Variants in SHTN1 observed in about 807,000 individuals in gnomAD.
SHTN1 encodes shootin 1.
A neutral mutation model predicts 83.1 loss-of-function variants in SHTN1; 42 were observed. The observed-to-expected ratio is 0.51, with a 90% CI of 0.39 to 0.65. The LOEUF is 0.65. Among genes scored for constraint, SHTN1 ranks in the 30% least tolerant of loss-of-function variants. The probability of loss-of-function intolerance (pLI) is 0.00; values close to 1 mark genes in which losing one functional copy is unlikely to be tolerated. For missense variants in SHTN1, 622 were observed against 737.8 expected (o/e 0.84, Z 1.82); for synonymous variants, 224 against 247.7 (o/e 0.90, Z 0.90).
At chr10:117,010,847 G>C (rs1255533234) in intron 2 of SHTN1, among the ~76,000 whole-genome samples, 3 of 152,158 alleles carry the variant, frequency 2.0e-5, no homozygotes, top group African/African-American at 7.2e-5. Flanking sequence ...AATTGAGACA[G>C]AAAAGGCATT....
chr10:116,954,048 T>C lies in SHTN1; in HGVS notation c.430A>G (p.Ile144Val), dbSNP rs1210029631. The change falls in exon 5 of 17, where the codon ATT becomes GTT. Residue 144 changes from isoleucine to valine, a missense_variant. Physicochemically the swap from Ile to Val is conservative, Grantham distance 29. This residue lies in a region of SHTN1 where 383 missense variants were observed against 455.8 expected (regional missense o/e 0.84). Transcript: ENST00000355371. ...TCVSVQCQKQ[I>V]KELRDQIVSV... ...ATTAAGCAAAGAGTTCTACCTTTAA[T>C]TTGCTTCTGACACTGTACTGAGACA... 1 of 1,603,972 alleles carries C rather than the reference T, an allele frequency of 6.2e-7. No homozygotes were observed.
intron 1 of SHTN1, among the ~76,000 whole-genome samples, chr10:116,989,414 T>C (rs1003104930): frequency 7.9e-5 from 12 of 152,164 alleles, no homozygotes; most frequent in Admixed American, 6.5e-5. Flanking sequence ...AAAAACAGAA[T>C]ATTTCTCCTT....
chr10:116,936,932 CTT>C (rs942186533), intron 9 of SHTN1, among the ~76,000 whole-genome samples: 1 of 152,030 alleles, frequency 6.6e-6, no homozygotes, highest in African/African-American at 2.4e-5. Context: ...TTCTTTATCT[CTT>C]TTCATCTTTG....
intron 16 of SHTN1, among the ~76,000 whole-genome samples, chr10:116,899,112 T>A (rs1201605684): frequency 6.6e-6 from 1 of 152,216 alleles, no homozygotes; most frequent in Admixed American, 6.5e-5. Flanking sequence ...GCAGGAATTG[T>A]TCCATGTGTG....
At chr10:117,104,821 A>G (rs1853650494) in intron 1 of SHTN1, among the ~76,000 whole-genome samples, 1 of 151,960 alleles carries the variant, frequency 6.6e-6, no homozygotes, top group African/African-American at 2.4e-5. Context: ...ATTATTTGTC[A>G]TGAATATCTT....
chr10:116,977,225 T>G (rs937784635), intron 2 of SHTN1, among the ~76,000 whole-genome samples: 1 of 152,216 alleles, frequency 6.6e-6, no homozygotes, highest in East Asian at 1.9e-4. Context: ...ATAAAAAATT[T>G]TATCTACTTC....
At chr10:117,075,680 T>A (rs1261243392) in intron 1 of SHTN1, among the ~76,000 whole-genome samples, 1 of 152,158 alleles carries the variant, frequency 6.6e-6, no homozygotes, top group Non-Finnish European at 1.5e-5. Flanking sequence ...GATATTATAG[T>A]AGTGGCTCAA....
At chr10:116,988,590 C>T (rs576501838) in intron 1 of SHTN1, among the ~76,000 whole-genome samples, 1 of 149,250 alleles carries the variant, frequency 6.7e-6, no homozygotes, top group Non-Finnish European at 1.5e-5. Context: ...ACTCTGTCAC[C>T]CAGGCTGGAG....
chr10:117,075,120 CCT>C (rs1407293040), intron 1 of SHTN1, among the ~76,000 whole-genome samples: 2 of 152,062 alleles, frequency 1.3e-5, no homozygotes, highest in Admixed American at 6.5e-5. Flanking sequence ...TTATCTTTCC[CCT>C]GGCTTGGTAA....
chr10:117,065,230 G>A (rs996525230), intron 1 of SHTN1, among the ~76,000 whole-genome samples: 11 of 152,106 alleles, frequency 7.2e-5, no homozygotes, highest in African/African-American at 1.9e-4. Flanking sequence ...CCTAGATGAC[G>A]GGTTGATAAG....
chr10:117,084,580 C>G (rs1282530511), intron 1 of SHTN1, among the ~76,000 whole-genome samples: 1 of 152,184 alleles, frequency 6.6e-6, no homozygotes, highest in Admixed American at 6.5e-5. Context: ...TCGAGCTTCC[C>G]GGCTGCTTTG....
At chr10:116,947,305 C>T (rs1359369574) in intron 7 of SHTN1, among the ~76,000 whole-genome samples, 3 of 152,132 alleles carry the variant, frequency 2.0e-5, no homozygotes, top group Admixed American at 2.0e-4. Context: ...TCTGGTGAGT[C>T]ACCTCCACCC....
intron 3 of SHTN1, among the ~76,000 whole-genome samples, chr10:116,965,536 G>C (rs1169129844): frequency 6.6e-6 from 1 of 152,100 alleles, no homozygotes; most frequent in Non-Finnish European, 1.5e-5. Context: ...TGTAGGCCTA[G>C]TAGGTTAACG....
Position 116,884,022 on chromosome 10 carries a change from T to G in SHTN1, c.*2322A>C. The G allele has an allele frequency of 1.3e-5, 3 of 224,316 alleles. No individual in the cohort carries two copies. In the South Asian group the frequency reaches 1.4e-4, roughly 10 times the overall value. The allele number at this position is 224,316 out of a possible 1,614,324, so 13.9% of individuals were successfully genotyped here. A position where few individuals can be genotyped will look rare whatever the true frequency, so the allele number is the denominator to read the frequency against. On this transcript the variant is annotated 3_prime_UTR_variant, in exon 17 of 17. Transcript: ENST00000355371. ...TAAAATGCATCAACATTCGTTTTTCTTAAAGAAAAAAAATCCTCTATAGCG... is the reference window on the plus strand; with the variant it reads ...TAAAATGCATCAACATTCGTTTTTCGTAAAGAAAAAAAATCCTCTATAGCG...
chr10:116,955,538 T>A (rs762168075), intron 4 of SHTN1, among the ~76,000 whole-genome samples: 10 of 152,182 alleles, frequency 6.6e-5, no homozygotes, highest in African/African-American at 9.7e-5. Flanking sequence ...ACTGTAAACC[T>A]GACACTAGAA....
intron 2 of SHTN1, among the ~76,000 whole-genome samples, chr10:116,978,912 T>C (rs1352277636): frequency 2.6e-5 from 4 of 152,188 alleles, no homozygotes; most frequent in South Asian, 4.1e-4. Context: ...CAACAGTACA[T>C]GTATGAAGTG....
intron 2 of SHTN1, among the ~76,000 whole-genome samples, chr10:117,016,548 G>A (rs192512921): frequency 1.2e-3 from 188 of 152,132 alleles, no homozygotes; most frequent in African/African-American, 3.7e-3. Context: ...CTGGAACTAC[G>A]GGCGTGTGCC....
intron 1 of SHTN1, among the ~76,000 whole-genome samples, chr10:117,070,138 T>C (rs1334308543): frequency 7.5e-6 from 1 of 132,724 alleles, no homozygotes; most frequent in Non-Finnish European, 1.7e-5. Context: ...AAAAAAAAAA[T>C]CCAGCCTGCT....
chr10:116,959,687 C>T (rs1347860337), intron 4 of SHTN1, among the ~76,000 whole-genome samples: 1 of 152,194 alleles, frequency 6.6e-6, no homozygotes, highest in Non-Finnish European at 1.5e-5. Context: ...AGCATGCCCT[C>T]GCTTTGCTTT....
Sources: allele counts gnomAD v4.1 joint callset (sites outside exome capture counted in the v4.1 genomes callset), GRCh38; gene constraint gnomAD v4.1.1; regional missense constraint gnomAD v4.1.1; transcripts MANE v1.5; gene names NCBI Gene and HGNC (gene_info 2026-07-23, HGNC 2026-07-21).